The following CSMD1 variants were observed in gnomAD, a reference collection of about 807,000 sequenced individuals.
CSMD1 encodes the protein CUB and sushi domain-containing protein 1.
CSMD1 carries 213 observed loss-of-function variants against 417.5 expected under a neutral mutation model. The observed-to-expected ratio is 0.51, with a 90% CI of 0.46 to 0.57. The LOEUF is 0.57. Among genes scored for constraint, CSMD1 ranks in the 20% least tolerant of loss-of-function variants. The probability of loss-of-function intolerance (pLI) is 0.00; values close to 1 mark genes in which losing one functional copy is unlikely to be tolerated. For synonymous variants in CSMD1, 2,862 were observed against 1,736.8 expected (o/e 1.65, Z -16.11); for missense variants, 6,923 against 4,529.7 (o/e 1.53, Z -15.17).
At chr8:4,055,068 G>T (rs1798621602) in intron 3 of CSMD1, among the ~76,000 whole-genome samples, 1 of 152,114 alleles carries the variant, frequency 6.6e-6, no homozygotes, top group Admixed American at 6.5e-5. Context: ...AACAATCAGA[G>T]AGAATACTCA....
intron 30 of CSMD1, among the ~76,000 whole-genome samples, 192 bp downstream of exon 30, chr8:3,214,305 A>T (rs754268949): frequency 6.6e-6 from 1 of 152,182 alleles, no homozygotes; most frequent in Non-Finnish European, 1.5e-5. Context: ...CCAGAAACCT[A>T]TGAGAATGGC....
intron 5 of CSMD1, among the ~76,000 whole-genome samples, chr8:3,838,861 TATTA>T (rs1802898964): frequency 8.5e-6 from 1 of 118,062 alleles, no homozygotes; most frequent in African/African-American, 3.4e-5. Context: ...TTATATATAC[TATTA>T]ATTATATATA....
At chr8:3,098,395 C>T (rs1315164445) in intron 46 of CSMD1, among the ~76,000 whole-genome samples, 1 of 152,100 alleles carries the variant, frequency 6.6e-6, no homozygotes, top group African/African-American at 2.4e-5. Context: ...TAATTTATTT[C>T]CTATTTTCTT....
chr8:4,151,609 G>A (rs893545432), intron 3 of CSMD1, among the ~76,000 whole-genome samples: 1 of 152,098 alleles, frequency 6.6e-6, no homozygotes. Context: ...CTCATGGATT[G>A]TGACATGTAG....
At chr8:3,525,891 G>A (rs1017225419) in intron 10 of CSMD1, among the ~76,000 whole-genome samples, 2 of 152,086 alleles carry the variant, frequency 1.3e-5, no homozygotes, top group Non-Finnish European at 2.9e-5. Flanking sequence ...ATCTGTATAA[G>A]ACAGCCAACT....
intron 2 of CSMD1, among the ~76,000 whole-genome samples, chr8:4,584,206 G>C (rs985065504): frequency 6.6e-6 from 1 of 152,032 alleles, no homozygotes; most frequent in Non-Finnish European, 1.5e-5. Flanking sequence ...CATTCTTGAA[G>C]CTAGTGAGAC....
intron 2 of CSMD1, among the ~76,000 whole-genome samples, chr8:4,531,618 A>G (rs1430330775): frequency 1.3e-4 from 20 of 152,120 alleles, no homozygotes; most frequent in Admixed American, 1.2e-3. Flanking sequence ...TGCGCTCGTC[A>G]GGCCCTCATG....
At chr8:3,376,572 T>G (rs1260162183) in intron 18 of CSMD1, among the ~76,000 whole-genome samples, 1 of 152,086 alleles carries the variant, frequency 6.6e-6, no homozygotes, top group Non-Finnish European at 1.5e-5. Flanking sequence ...AAATAAATTC[T>G]TTTTTTGTTG....
intron 51 of CSMD1, among the ~76,000 whole-genome samples, chr8:3,020,686 G>A (rs538546293): frequency 6.6e-6 from 1 of 152,062 alleles, no homozygotes; most frequent in South Asian, 2.1e-4. Flanking sequence ...GTTATGATAG[G>A]ACAACCGAGG....
At chr8:3,113,977 G>C (rs930330587) in intron 42 of CSMD1, among the ~76,000 whole-genome samples, 2 of 152,144 alleles carry the variant, frequency 1.3e-5, no homozygotes, top group African/African-American at 2.4e-5. Context: ...CAGCACTTTG[G>C]TAGGCTTAGG....
At chr8:4,798,574 C>T (rs1476827727) in intron 1 of CSMD1, among the ~76,000 whole-genome samples, 1 of 152,086 alleles carries the variant, frequency 6.6e-6, no homozygotes, top group African/African-American at 2.4e-5. Flanking sequence ...AAAATAAACT[C>T]TCAAAAAGTT....
chr8:3,506,093 T>C (rs1393855382), intron 10 of CSMD1, among the ~76,000 whole-genome samples: 3 of 152,154 alleles, frequency 2.0e-5, no homozygotes, highest in Admixed American at 6.5e-5. Flanking sequence ...TGTGTTCTCA[T>C]AAGGAGGTGT....
intron 5 of CSMD1, among the ~76,000 whole-genome samples, chr8:3,878,423 A>G (rs1384840049): frequency 2.0e-5 from 3 of 152,320 alleles, no homozygotes; most frequent in African/African-American, 7.2e-5. Context: ...CAATAATATC[A>G]ACAATGATAC....
intron 2 of CSMD1, among the ~76,000 whole-genome samples, chr8:4,609,587 C>A (rs1366922649): frequency 6.6e-6 from 1 of 152,166 alleles, no homozygotes; most frequent in Non-Finnish European, 1.5e-5. Flanking sequence ...ACAGCCACTG[C>A]CATCACAGAG....
intron 5 of CSMD1, among the ~76,000 whole-genome samples, chr8:3,890,852 A>G (rs1220544311): frequency 1.3e-5 from 2 of 152,154 alleles, no homozygotes; most frequent in African/African-American, 2.4e-5. Context: ...CTCAGTAAGT[A>G]TATACAATGA....
intron 6 of CSMD1, among the ~76,000 whole-genome samples, chr8:3,753,365 C>T (rs528670378): frequency 1.3e-5 from 2 of 152,162 alleles, no homozygotes; most frequent in South Asian, 2.1e-4. Context: ...AGGTATAAAC[C>T]TTAGAAACCA....
chr8:3,041,874 C>T (rs1811122642), intron 50 of CSMD1, among the ~76,000 whole-genome samples: 1 of 152,212 alleles, frequency 6.6e-6, no homozygotes, highest in African/African-American at 2.4e-5. Flanking sequence ...TAAAGCAGTA[C>T]AGTACAATCA....
intron 3 of CSMD1, among the ~76,000 whole-genome samples, chr8:4,223,334 T>G (rs1211725657): frequency 6.6e-6 from 1 of 152,260 alleles, no homozygotes; most frequent in Non-Finnish European, 1.5e-5. Context: ...AACACTGTTG[T>G]CTCAGAACAA....
intron 10 of CSMD1, among the ~76,000 whole-genome samples, chr8:3,502,431 T>G (rs1412330250): frequency 6.6e-6 from 1 of 150,900 alleles, no homozygotes; most frequent in Non-Finnish European, 1.5e-5. Flanking sequence ...TATAGCAACT[T>G]TATTCATAAT....
Sources: gnomAD v4.1 joint callset for allele counts (sites outside exome capture counted in the v4.1 genomes callset) on GRCh38, gnomAD v4.1.1 for gene constraint, MANE v1.5 for transcripts, NCBI Gene and HGNC (gene_info 2026-07-23, HGNC 2026-07-21) for gene names.